Variants in WASF3 observed in about 807,000 individuals in gnomAD.
The protein encoded by WASF3 is WASP family member 3.
In WASF3, 11 loss-of-function variants were observed where a neutral mutation model predicts 46.6. The observed-to-expected ratio is 0.24, with a 90% confidence interval of 0.15 to 0.39. The LOEUF is 0.39. Ranked by LOEUF, WASF3 falls within the 10% of genes least tolerant of loss-of-function variation. WASF3 has a pLI of 1.00. For missense variants in WASF3, 576 were observed against 669.8 expected (o/e 0.86, Z 1.55); for synonymous variants, 242 against 259.7 (o/e 0.93, Z 0.65).
At chr13:26,624,178 G>T (rs1593154761) in intron 2 of WASF3, among the ~76,000 whole-genome samples, 1 of 152,304 alleles carries the variant, frequency 6.6e-6, no homozygotes, top group East Asian at 1.9e-4. Context: ...AGATAACTTA[G>T]ATATGGGAAC....
intron 1 of WASF3, among the ~76,000 whole-genome samples, chr13:26,593,919 G>C (rs986626219): frequency 6.6e-6 from 1 of 152,072 alleles, no homozygotes; most frequent in African/African-American, 2.4e-5. Flanking sequence ...GGCTGATTTA[G>C]TTGCTTCTGT....
chr13:26,645,570 G>A (rs1882125887), intron 3 of WASF3, among the ~76,000 whole-genome samples: 1 of 151,992 alleles, frequency 6.6e-6, no homozygotes, highest in Non-Finnish European at 1.5e-5. Flanking sequence ...GTGATTATCA[G>A]CAGCCTAAAG....
At chr13:26,606,321 CGTGTGTGTGTGTGTGTGTGTGTGT>C (rs60865367) in intron 1 of WASF3, among the ~76,000 whole-genome samples, 3 of 131,962 alleles carry the variant, frequency 2.3e-5, no homozygotes, top group East Asian at 4.4e-4. Context: ...TCTTTTTTTT[CGTGTGTGTGTGTGTGTGTGTGTGT>C]GTGTGTGTGT....
chr13:26,604,543 A>AT (rs1354776005), intron 1 of WASF3, among the ~76,000 whole-genome samples: 2 of 152,160 alleles, frequency 1.3e-5, no homozygotes, highest in African/African-American at 4.8e-5. Flanking sequence ...AGTGCTTTGC[A>AT]TTTTTTTGGT....
chr13:26,607,639 GT>G lies in WASF3; in HGVS notation c.-108-5312del, dbSNP rs376544806. ...TTGTTTCAGAGCAGTTTTTTGTTTT[GT>G]TTTTTTTTTGAAACAGGGTCTTGCT... On this transcript the variant is annotated intron_variant, in intron 1 of 9. Coordinates refer to ENST00000335327, the MANE Select transcript of WASF3 (RefSeq NM_006646.6). 8.7e-3 allele frequency among the ~76,000 whole-genome samples: 1,283 copies of G among 147,046 alleles called. 20 individuals are homozygous for G. Among genetic ancestry groups the G allele is most frequent in the African/African-American group, 0.03 (1,222 of 40,166 alleles).
intron 1 of WASF3, chr13:26,577,716 T>A (rs1385778716): frequency 2.6e-6 from 2 of 782,474 alleles, no homozygotes; most frequent in Non-Finnish European, 4.3e-6. Context: ...AAAAGTCCTA[T>A]TTGTGGAAAA....
intron 6 of WASF3, 48 bp from the exon 7 acceptor site, chr13:26,676,501 C>T (rs1254450564): frequency 3.8e-6 from 6 of 1,588,698 alleles, no homozygotes; most frequent in Admixed American, 1.8e-5. Flanking sequence ...CAGCTGTTTT[C>T]CTTTCCCTTC....
intron 1 of WASF3, among the ~76,000 whole-genome samples, chr13:26,607,739 G>C (rs557170159): frequency 2.0e-5 from 3 of 152,046 alleles, no homozygotes; most frequent in African/African-American, 7.2e-5. Flanking sequence ...GGGCTCAGGT[G>C]ATCCTCCTGC....
At chr13:26,575,245 T>C (rs1228006008) in intron 1 of WASF3, among the ~76,000 whole-genome samples, 1 of 152,200 alleles carries the variant, frequency 6.6e-6, no homozygotes, top group Non-Finnish European at 1.5e-5. Context: ...TTGTATGGCT[T>C]TTTTTTCTTT....
intron 1 of WASF3, among the ~76,000 whole-genome samples, chr13:26,603,999 T>C (rs1880719926): frequency 6.6e-6 from 1 of 152,066 alleles, no homozygotes; most frequent in African/African-American, 2.4e-5. Context: ...GAGGGTGGGG[T>C]GATCTAGCTA....
chr13:26,584,772 T>G (rs1880081935), intron 1 of WASF3, among the ~76,000 whole-genome samples: 1 of 152,258 alleles, frequency 6.6e-6, no homozygotes, highest in African/African-American at 2.4e-5. Context: ...TGGTTGTGTG[T>G]TGAAGGCATA....
At chr13:26,573,095 T>TG (rs1879688322) in intron 1 of WASF3, among the ~76,000 whole-genome samples, 1 of 152,228 alleles carries the variant, frequency 6.6e-6, no homozygotes, top group Non-Finnish European at 1.5e-5. Context: ...TGCCTCTTGA[T>TG]ATCATCTGGG....
chr13:26,676,737 C>T lies in WASF3; in HGVS notation c.716+13C>T, dbSNP rs760798102. 2.5e-6 allele frequency: 4 copies of T among 1,607,774 alleles called. No homozygotes were observed. The East Asian group carries it at 6.7e-5, about 27-fold the overall frequency. ...CCCCAGATACTAGGTGTGTGTGTGTCACTGCTCCCTCAGCCCTGATGCTTG... is the reference window on the plus strand; with the variant it reads ...CCCCAGATACTAGGTGTGTGTGTGTTACTGCTCCCTCAGCCCTGATGCTTG... On this transcript the variant is annotated intron_variant, in intron 7 of 9. Transcript: ENST00000335327.
intron 2 of WASF3, among the ~76,000 whole-genome samples, chr13:26,629,838 A>G (rs1881597072): frequency 6.6e-6 from 1 of 151,824 alleles, no homozygotes; most frequent in Non-Finnish European, 1.5e-5. Context: ...GCATGCCTGG[A>G]CCCCTGGTTC....
rs780124902 is a variant in WASF3 at position 26,679,982 on chromosome 13, G to GC, written c.717-1071dup. ...AATCCCAAAGATGGAAATGCAGCGTGCATCTTCCCTGCTCCCTCAGCACCC... is the reference window on the plus strand; with the variant it reads ...AATCCCAAAGATGGAAATGCAGCGTGCCATCTTCCCTGCTCCCTCAGCACCC... On this transcript the variant is annotated intron_variant, in intron 7 of 9. Transcript: ENST00000335327. This position sits in a 1 kb window ranked among gnomAD's most constrained non-coding sequence, Gnocchi z 4.8. 3.2e-6 allele frequency: 5 copies of GC among 1,562,674 alleles called. No homozygotes were observed. The East Asian group carries it at 9.2e-5, about 29-fold the overall frequency.
chr13:26,638,309 A>G (rs1291399035), intron 2 of WASF3: 1 of 152,220 alleles, frequency 6.6e-6, no homozygotes, highest in Admixed American at 6.5e-5. Context: ...ACCCTGGCCC[A>G]GTTTCAGCCA....
At chr13:26,660,686 T>G (rs1299498702) in intron 3 of WASF3, among the ~76,000 whole-genome samples, 1 of 151,992 alleles carries the variant, frequency 6.6e-6, no homozygotes, top group East Asian at 1.9e-4. Flanking sequence ...TTTTTATGAT[T>G]TTCTTCTCCA....
intron 2 of WASF3, among the ~76,000 whole-genome samples, chr13:26,631,671 A>G (rs998633762): frequency 7.2e-5 from 11 of 152,114 alleles, no homozygotes; most frequent in Non-Finnish European, 1.5e-4. Flanking sequence ...TTTTCGTTCC[A>G]TATGAACTTT....
At chr13:26,674,997 T>C (rs1883021968) in intron 6 of WASF3, among the ~76,000 whole-genome samples, 1 of 152,358 alleles carries the variant, frequency 6.6e-6, no homozygotes, top group South Asian at 2.1e-4. Flanking sequence ...ACATCCTCTG[T>C]GGATCCATGC....
Sources: allele counts gnomAD v4.1 joint callset (sites outside exome capture counted in the v4.1 genomes callset), GRCh38; gene constraint gnomAD v4.1.1; non-coding constraint Gnocchi (gnomAD v3.1); transcripts MANE v1.5; gene names NCBI Gene and HGNC (gene_info 2026-07-23, HGNC 2026-07-21).